Variants in MMP26 observed in about 807,000 individuals in gnomAD.
MMP26 encodes the protein matrix metalloproteinase-26.
In MMP26, 33 loss-of-function variants were observed where a neutral mutation model predicts 31.0. The observed-to-expected ratio is 1.06, with a 90% CI of 0.81 to 1.42. The LOEUF (loss-of-function observed/expected upper bound fraction) is 1.42, where lower values mean the gene tolerates loss of function less well. Among genes scored for constraint, MMP26 ranks in the 40% most tolerant of loss-of-function variants. MMP26 has a pLI of 0.00. For synonymous variants in MMP26, 122 were observed against 114.9 expected, an observed-to-expected ratio of 1.06 and a Z score of -0.40; for missense variants, 347 against 316.1, an observed-to-expected ratio of 1.10 and a Z score of -0.74.
chr11:4,764,169 A>T (rs1469086542), intron 1 of MMP26, among the ~76,000 whole-genome samples: 1 of 152,184 alleles, frequency 6.6e-6, no homozygotes, highest in African/African-American at 2.4e-5. Context: ...CTGTTTTGTT[A>T]TTCATCTAAT....
At chr11:4,869,264 A>T (rs539078625) in intron 2 of MMP26, among the ~76,000 whole-genome samples, 9 of 152,204 alleles carry the variant, frequency 5.9e-5, no homozygotes, top group Non-Finnish European at 8.8e-5. Context: ...AGAAACTACC[A>T]TCAGACTGAA....
At chr11:4,732,690 G>A (rs1339838489) in intron 1 of MMP26, among the ~76,000 whole-genome samples, 2 of 152,068 alleles carry the variant, frequency 1.3e-5, no homozygotes, top group Non-Finnish European at 2.9e-5. Context: ...CTATTCTGAA[G>A]ATTTTATATA....
chr11:4,981,699 A>G (rs1308436955), intron 2 of MMP26, among the ~76,000 whole-genome samples: 1 of 152,052 alleles, frequency 6.6e-6, no homozygotes, highest in Non-Finnish European at 1.5e-5. Flanking sequence ...ACAAACTTCA[A>G]TTTTTTAAAC....
At chr11:4,777,028 T>C (rs868693035) in intron 2 of MMP26, among the ~76,000 whole-genome samples, 2 of 152,182 alleles carry the variant, frequency 1.3e-5, no homozygotes, top group African/African-American at 2.4e-5. Context: ...GATATAAAGA[T>C]TGAAAATTCT....
At chr11:4,957,765 A>G (rs142070839) in intron 2 of MMP26, among the ~76,000 whole-genome samples, 1 of 151,200 alleles carries the variant, frequency 6.6e-6, no homozygotes, top group Non-Finnish European at 1.5e-5. Context: ...TGCAACCTCC[A>G]TCTCCTAGGT....
At chr11:4,878,085 T>A (rs1850408923) in intron 2 of MMP26, 1 of 152,190 alleles carries the variant, frequency 6.6e-6, no homozygotes, top group African/African-American at 2.4e-5. Flanking sequence ...TGATTGGCAA[T>A]CCTTCCCTAT....
chr11:4,786,829 C>T (rs1848953398), intron 2 of MMP26: 1 of 152,612 alleles, frequency 6.6e-6, no homozygotes, highest in African/African-American at 2.4e-5. Flanking sequence ...GGAGGCCTTC[C>T]ACATCTGGAT....
At chr11:4,923,055 T>C (rs1176005162) in intron 2 of MMP26, among the ~76,000 whole-genome samples, 2 of 152,242 alleles carry the variant, frequency 1.3e-5, no homozygotes, top group Non-Finnish European at 2.9e-5. Context: ...TTTTAGATTT[T>C]GTCCAATCAT....
chr11:4,986,921 C>T (rs1846900917), intron 2 of MMP26, among the ~76,000 whole-genome samples: 1 of 110,118 alleles, frequency 9.1e-6, no homozygotes, highest in Non-Finnish European at 1.9e-5. Context: ...CTCTCTCTCT[C>T]TCTCTCTCTC....
intron 2 of MMP26, among the ~76,000 whole-genome samples, chr11:4,819,872 C>T (rs1849471875): frequency 6.6e-6 from 1 of 151,994 alleles, no homozygotes; most frequent in South Asian, 2.1e-4. Context: ...GAACCCTGTG[C>T]CTGGCCTCAA....
intron 2 of MMP26, among the ~76,000 whole-genome samples, chr11:4,846,284 G>A (rs769498900): frequency 1.3e-5 from 2 of 152,118 alleles, no homozygotes; most frequent in Non-Finnish European, 2.9e-5. Flanking sequence ...ATTATATTAA[G>A]TGACATATGC....
chr11:4,981,117 T>A (rs1391223095), intron 2 of MMP26, among the ~76,000 whole-genome samples: 1 of 151,880 alleles, frequency 6.6e-6, no homozygotes, highest in Non-Finnish European at 1.5e-5. Context: ...CTTTAGAGAG[T>A]GTACTGAAGA....
chr11:4,958,199 C>T (rs1335441831), intron 2 of MMP26, among the ~76,000 whole-genome samples: 1 of 152,206 alleles, frequency 6.6e-6, no homozygotes, highest in Non-Finnish European at 1.5e-5. Context: ...CCTTCCTCTT[C>T]TGCATTTCAA....
intron 2 of MMP26, among the ~76,000 whole-genome samples, chr11:4,810,695 G>C (rs1411507892): frequency 1.3e-5 from 2 of 152,202 alleles, no homozygotes; most frequent in Non-Finnish European, 2.9e-5. Context: ...CCAGATAGGT[G>C]AAAAGAATTC....
At chr11:4,849,039 A>G (rs12417164) in intron 2 of MMP26, 6 of 1,613,956 alleles carry the variant, frequency 3.7e-6, no homozygotes, top group Admixed American at 3.3e-5. Flanking sequence ...CTGCAGGGCA[A>G]TGATCCAGAG....
chr11:4,777,525 A>C (rs565549991), intron 2 of MMP26, among the ~76,000 whole-genome samples: 1 of 152,284 alleles, frequency 6.6e-6, no homozygotes, highest in African/African-American at 2.4e-5. Context: ...AACTGGTTGA[A>C]TTTTCACATT....
At position 4,775,386 on chromosome 11, in the gene MMP26, G is replaced by A. The variant is rs144263691; in HGVS notation, c.-145+8045G>A. Among the ~76,000 whole-genome samples, 844 of 152,118 alleles carry A rather than the reference G, an allele frequency of 5.5e-3. 9 individuals carry two copies. Among genetic ancestry groups the A allele is most frequent in the African/African-American group, 0.019 (805 of 41,498 alleles). On this transcript the variant is annotated intron_variant, in intron 2 of 7. Coordinates refer to ENST00000380390, the MANE Select transcript of MMP26 (RefSeq NM_021801.5). The stretch of plus-strand genomic sequence containing the variant: ...TCCTAGATATTTTATTCTATTTGTA[G>A]CAATTGTGAATGGGAGTTCATTCAT...
In MMP26 at chr11:4,882,832, C is replaced by T. The variant is rs114936129; in HGVS notation, c.-144-105236C>T. 1.9e-3 allele frequency: 3,027 copies of T among 1,613,714 alleles called. 52 individuals carry two copies. The African/African-American group carries it at 0.036, about 19-fold the overall frequency. ...AGGCTATGTTCCAGCTGCTCCAATCCAAGGGTTCATGGGGTTTTAATGTGA... is the reference window on the plus strand; with the variant it reads ...AGGCTATGTTCCAGCTGCTCCAATCTAAGGGTTCATGGGGTTTTAATGTGA... On this transcript the variant is annotated intron_variant, in intron 2 of 7. Transcript: ENST00000380390.
intron 2 of MMP26, among the ~76,000 whole-genome samples, chr11:4,931,670 AG>A (rs1851349025): frequency 6.6e-6 from 1 of 152,232 alleles, no homozygotes; most frequent in Non-Finnish European, 1.5e-5. Flanking sequence ...GCTATTAGCA[AG>A]GAAATTGAAA....
Sources: allele counts gnomAD v4.1 joint callset (sites outside exome capture counted in the v4.1 genomes callset), GRCh38; gene constraint gnomAD v4.1.1; transcripts MANE v1.5; gene names NCBI Gene and HGNC (gene_info 2026-07-23, HGNC 2026-07-21).